Variants in AVEN observed in about 807,000 individuals in gnomAD.
AVEN encodes the protein cell death regulator Aven.
In AVEN, 41 loss-of-function variants were observed where a neutral mutation model predicts 38.1. The ratio of observed to expected loss-of-function variants is 1.08; its 90% confidence interval spans 0.84 to 1.40. The LOEUF is 1.40. AVEN is among the 40% of genes most tolerant of loss of function. The pLI is 0.00. For missense variants in AVEN, 605 were observed against 438.8 expected (o/e 1.38, Z -3.38); for synonymous variants, 206 against 171.8 (o/e 1.20, Z -1.56).
downstream of AVEN, chr15:33,858,138 C>A (rs534324871): frequency 3.4e-6 from 2 of 587,626 alleles, no homozygotes; most frequent in Admixed American, 6.3e-5. Context: ...ACATCTAAGC[C>A]CCGTGGAAAG....
chr15:34,075,295 TC>T (rs1900706788), upstream of AVEN, among the ~76,000 whole-genome samples: 1 of 150,386 alleles, frequency 6.6e-6, no homozygotes, highest in Non-Finnish European at 1.5e-5. Flanking sequence ...AAACTTACAA[TC>T]GCAGCGGAAG....
chr15:34,005,619 G>C (rs1897307912), intron 1 of AVEN, among the ~76,000 whole-genome samples: 1 of 152,144 alleles, frequency 6.6e-6, no homozygotes. Context: ...TTTGGATAAT[G>C]AAGTCTGATC....
At chr15:33,869,856 G>A (rs1006963294) in intron 4 of AVEN, among the ~76,000 whole-genome samples, 3 of 147,370 alleles carry the variant, frequency 2.0e-5, no homozygotes, top group Admixed American at 6.8e-5. Flanking sequence ...GTGCCAGAAT[G>A]TTGAAGTTCT....
chr15:33,871,792 G>C (rs1231839671), intron 3 of AVEN, among the ~76,000 whole-genome samples: 4 of 120,090 alleles, frequency 3.3e-5, no homozygotes, highest in South Asian at 2.6e-4. Flanking sequence ...AAAAAAAAAA[G>C]CCACTTTGTA....
intron 1 of AVEN, among the ~76,000 whole-genome samples, chr15:34,005,220 T>C (rs1172716807): frequency 6.6e-6 from 1 of 152,156 alleles, no homozygotes; most frequent in African/African-American, 2.4e-5. Context: ...TCATTTCATA[T>C]AACATCCAGG....
intron 2 of AVEN, among the ~76,000 whole-genome samples, chr15:33,910,133 CAAAA>C (rs11313496): frequency 2.4e-5 from 3 of 123,994 alleles, no homozygotes; most frequent in Admixed American, 8.5e-5. Context: ...GACTCCATCT[CAAAA>C]AAAAAAAAAA....
intron 2 of AVEN, among the ~76,000 whole-genome samples, chr15:33,986,493 A>G (rs1249586864): frequency 1.3e-5 from 2 of 152,130 alleles, no homozygotes; most frequent in Non-Finnish European, 2.9e-5. Flanking sequence ...ATAAAACCAC[A>G]TTAATTATCT....
chr15:33,944,262 G>A (rs945631341), intron 2 of AVEN, among the ~76,000 whole-genome samples: 2 of 152,150 alleles, frequency 1.3e-5, no homozygotes, highest in African/African-American at 4.8e-5. Context: ...TGTGGTAACT[G>A]AAGAAGAATA....
At chr15:33,993,979 C>T (rs557101885) in intron 2 of AVEN, among the ~76,000 whole-genome samples, 10 of 152,310 alleles carry the variant, frequency 6.6e-5, no homozygotes, top group Non-Finnish European at 1.0e-4. Context: ...TGAATATTTG[C>T]GTTGCTTCCA....
chr15:34,038,867 G>A lies in AVEN; in HGVS notation c.180C>T (p.Arg60=). Residue 60 remains arginine, a synonymous_variant, in exon 1 of 6, where the codon CGC becomes CGT. Coordinates refer to ENST00000306730, the MANE Select transcript of AVEN (RefSeq NM_020371.3). ...RRGRGRGRGF[R]GARGGRGGGG... ...CTCCTCCTCGGCCTCCGCGAGCGCC[G>A]CGGAAGCCCCGGCCACGGCCACGGC... is the stretch of plus-strand genomic sequence containing the variant. 1 of 1,152,142 alleles carries A rather than the reference G, an allele frequency of 8.7e-7. No individual in the cohort carries two copies. The highest frequency in any genetic ancestry group is 1.1e-6 in the Non-Finnish European group (1 of 940,832). 71.4% of individuals were successfully genotyped at this position (1,152,142 alleles called of 1,614,324 possible). A position where few individuals can be genotyped will look rare whatever the true frequency, so the allele number is the denominator to read the frequency against.
intron 2 of AVEN, among the ~76,000 whole-genome samples, chr15:33,944,678 C>G (rs776591888): frequency 7.3e-5 from 11 of 151,714 alleles, no homozygotes; most frequent in East Asian, 1.9e-4. Flanking sequence ...GCGTGGTGGC[C>G]GGCGCCTGTA....
At chr15:34,005,893 G>C (rs561075823) in intron 1 of AVEN, among the ~76,000 whole-genome samples, 18 of 152,266 alleles carry the variant, frequency 1.2e-4, no homozygotes, top group Middle Eastern at 3.4e-3. Flanking sequence ...ATGATCTAGG[G>C]ACTGCAAAGA....
At chr15:33,962,211 A>G (rs1358689915) in intron 2 of AVEN, among the ~76,000 whole-genome samples, 1 of 152,232 alleles carries the variant, frequency 6.6e-6, no homozygotes, top group Non-Finnish European at 1.5e-5. Flanking sequence ...TAAAAAAATA[A>G]CATGTAACAG....
downstream of AVEN, chr15:33,865,116 T>C: frequency 6.3e-7 from 1 of 1,599,402 alleles, no homozygotes. Flanking sequence ...GCACCCGTTG[T>C]TCATATTATT....
In AVEN at chr15:33,867,799, C is replaced by A; in HGVS notation, c.669G>T (p.Lys223Asn). The A allele has an allele frequency of 6.2e-7, 1 of 1,612,382 alleles. No individual in the cohort carries two copies. Among genetic ancestry groups the A allele is most frequent in the South Asian group, 1.1e-5 (1 of 90,760 alleles). ...GCCCCTTTAACTGCATCCCTAATCCCTTGCCATCATCAGTTCTCTTTGGTT... is the reference window on the plus strand; with the variant it reads ...GCCCCTTTAACTGCATCCCTAATCCATTGCCATCATCAGTTCTCTTTGGTT... ...QVKPKRTDDG[K>N]GLGMQLKGPL... The change falls in exon 5 of 6, where the codon AAG (lysine) becomes AAT (asparagine). Residue 223 changes from lysine (K) to asparagine (N), a missense_variant. By Grantham distance (94) the Lys-to-Asn change is moderately conservative. Transcript: ENST00000306730.
At position 33,970,911 on chromosome 15, in the gene AVEN, G is replaced by A. The variant is rs1006513098; in HGVS notation, c.445+32121C>T. ...CTTGCTCCACCCCAATTTGGTCCTT[G>A]TCAGCATCAATCCCAGTGAATTTTC... On this transcript the variant is annotated intron_variant, in intron 2 of 5. Coordinates refer to ENST00000306730, the MANE Select transcript of AVEN (RefSeq NM_020371.3). Among the ~76,000 whole-genome samples, 8 of 152,014 alleles carry A rather than the reference G, an allele frequency of 5.3e-5. 1 individual carries two copies. Among genetic ancestry groups the A allele is most frequent in the African/African-American group, 1.9e-4 (8 of 41,530 alleles).
intron 2 of AVEN, among the ~76,000 whole-genome samples, chr15:33,985,766 C>A (rs1256501138): frequency 1.3e-5 from 2 of 152,058 alleles, no homozygotes; most frequent in Non-Finnish European, 2.9e-5. Context: ...ACTACTGTTC[C>A]CAATTCTGTG....
At chr15:33,996,811 C>T (rs1014583834) in intron 2 of AVEN, among the ~76,000 whole-genome samples, 3 of 152,180 alleles carry the variant, frequency 2.0e-5, no homozygotes, top group African/African-American at 2.4e-5. Context: ...TCCAAAGGAA[C>T]GCAGCTCCTC....
intron 3 of AVEN, among the ~76,000 whole-genome samples, chr15:33,873,788 A>G (rs998402100): frequency 1.3e-5 from 2 of 152,070 alleles, no homozygotes; most frequent in Admixed American, 6.6e-5. Flanking sequence ...TTTTCCATTC[A>G]TGGCATCACC....
Sources: gnomAD v4.1 joint callset for allele counts (sites outside exome capture counted in the v4.1 genomes callset) on GRCh38, gnomAD v4.1.1 for gene constraint, MANE v1.5 for transcripts, NCBI Gene and HGNC (gene_info 2026-07-23, HGNC 2026-07-21) for gene names.